P2RY12: variants seen among roughly 807,000 people sequenced by gnomAD.
The protein encoded by P2RY12 is P2Y purinoceptor 12.
Under a neutral mutation model 4.5 loss-of-function variants are expected in P2RY12, and 3 were observed. The ratio of observed to expected loss-of-function variants is 0.67; its 90% CI spans 0.31 to 1.74. P2RY12 has a LOEUF of 1.74. Among genes scored for constraint, P2RY12 ranks in the 40% most tolerant of loss-of-function variants. The pLI, the probability that P2RY12 is intolerant of heterozygous loss-of-function variation, is 0.09. For synonymous variants in P2RY12, 148 were observed against 154.1 expected (o/e 0.96, Z 0.29); for missense variants, 356 against 407.8 (o/e 0.87, Z 1.09).
intron 1 of P2RY12, among the ~76,000 whole-genome samples, chr3:151,370,974 G>A (rs896151385): frequency 3.3e-5 from 5 of 152,164 alleles, no homozygotes; most frequent in East Asian, 1.9e-4. Flanking sequence ...TCAGTTTAAC[G>A]TCAGCAGAGC....
intron 1 of P2RY12, chr3:151,383,822 C>G: frequency 6.2e-7 from 1 of 1,613,930 alleles, no homozygotes; most frequent in Non-Finnish European, 8.5e-7. Flanking sequence ...ACCCAGTGGA[C>G]TACAGACTGG....
At chr3:151,348,686 A>C (rs1399043342) in intron 1 of P2RY12, among the ~76,000 whole-genome samples, 1 of 152,170 alleles carries the variant, frequency 6.6e-6, no homozygotes, top group Non-Finnish European at 1.5e-5. Flanking sequence ...GTAATGTATA[A>C]TAAAAAAGGA....
intron 1 of P2RY12, among the ~76,000 whole-genome samples, chr3:151,379,595 T>C (rs117766209): frequency 0.014 from 2,114 of 152,310 alleles, 135 homozygotes; most frequent in East Asian, 0.094. Context: ...TCCTCAGCCC[T>C]GGCTGATGAA....
intron 1 of P2RY12, among the ~76,000 whole-genome samples, chr3:151,372,076 C>G (rs1756255462): frequency 6.6e-6 from 1 of 152,166 alleles, no homozygotes; most frequent in African/African-American, 2.4e-5. Flanking sequence ...GGAAATAAAT[C>G]TCTCTTGTCA....
intron 1 of P2RY12, among the ~76,000 whole-genome samples, chr3:151,359,153 G>C (rs1272317656): frequency 1.3e-5 from 2 of 152,000 alleles, no homozygotes; most frequent in African/African-American, 4.8e-5. Context: ...CTCATGCTTA[G>C]CTCCCACTTA....
intron 1 of P2RY12, among the ~76,000 whole-genome samples, chr3:151,353,907 C>T (rs185426228): frequency 0.027 from 4,042 of 151,856 alleles, 55 homozygotes; most frequent in Middle Eastern, 0.078. Flanking sequence ...TTTGGGAGGC[C>T]GAGGCGGGCG....
chr3:151,357,440 T>C (rs1754065414), intron 1 of P2RY12: 1 of 1,400,944 alleles, frequency 7.1e-7, no homozygotes, highest in Non-Finnish European at 9.5e-7. Context: ...TGATGAAATA[T>C]TATAGTGGCT....
chr3:151,373,560 G>GT (rs200969717), intron 1 of P2RY12, among the ~76,000 whole-genome samples: 23,320 of 145,718 alleles, frequency 0.16, 2,211 homozygotes, highest in Middle Eastern at 0.28. Flanking sequence ...CAAAATGGTG[G>GT]TTTTTTTTTT....
At chr3:151,374,532 A>G (rs1756588396) in intron 1 of P2RY12, among the ~76,000 whole-genome samples, 1 of 151,314 alleles carries the variant, frequency 6.6e-6, no homozygotes, top group African/African-American at 2.4e-5. Context: ...CTGGTAAGAG[A>G]GCAAGACTCT....
At chr3:151,374,571 G>GAA (rs1307015368) in intron 1 of P2RY12, among the ~76,000 whole-genome samples, 1 of 151,820 alleles carries the variant, frequency 6.6e-6, no homozygotes, top group Non-Finnish European at 1.5e-5. Flanking sequence ...AAGAAAGAAA[G>GAA]AAATGTTACA....
chr3:151,367,847 A>C lies in P2RY12; in HGVS notation c.-180+16845T>G. 5 of 1,483,560 alleles carry C rather than the reference A, an allele frequency of 3.4e-6. No individual in the cohort carries two copies. In the South Asian group the frequency reaches 5.2e-5, roughly 15 times the overall value. 91.9% of individuals were successfully genotyped at this position (1,483,560 alleles called of 1,614,324 possible). A position where few individuals can be genotyped will look rare whatever the true frequency, so the allele number is the denominator to read the frequency against. ...GTTTCTAACATTACAACACAGGGAA[A>C]GGAGTATTTGAGGGTATGTATATTG... On this transcript the variant is annotated intron_variant, in intron 1 of 2. Transcript: ENST00000302632.
At chr3:151,378,412 A>C (rs1352930195) in intron 1 of P2RY12, among the ~76,000 whole-genome samples, 1 of 152,220 alleles carries the variant, frequency 6.6e-6, no homozygotes, top group Admixed American at 6.5e-5. Flanking sequence ...ACTGTTAAAA[A>C]CAGTGATTTC....
At position 151,338,404 on chromosome 3, in the gene P2RY12, T is replaced by A. The variant is rs2149933232; in HGVS notation, c.442A>T (p.Ile148Phe). 1.9e-6 allele frequency: 3 copies of A among 1,614,150 alleles called. No homozygotes were observed. Among genetic ancestry groups the A allele is most frequent in the Non-Finnish European group, 2.5e-6 (3 of 1,180,024 alleles). The change falls in exon 3 of 3, where the codon ATC (isoleucine) becomes TTC (phenylalanine). Residue 148 changes from isoleucine (I) to phenylalanine (F), a missense_variant. Ile to Phe is a conservative substitution (Grantham distance 21). Coordinates refer to ENST00000302632, the MANE Select transcript of P2RY12 (RefSeq NM_022788.5). Reference protein sequence around the residue: ...LLGAKILSVVIWAFMFLLSLP... With the variant: ...LLGAKILSVVFWAFMFLLSLP... ...GAGAGTAAGAACATGAATGCCCAGA[T>A]GACAACAGAGAGAATCTTAGCCCCC...
intron 1 of P2RY12, among the ~76,000 whole-genome samples, chr3:151,358,312 A>C (rs1341420143): frequency 2.0e-5 from 3 of 152,150 alleles, no homozygotes; most frequent in Non-Finnish European, 2.9e-5. Flanking sequence ...AGAATTATTT[A>C]ATAACTCAGC....
chr3:151,365,161 G>C (rs1755120434), intron 1 of P2RY12: 1 of 1,613,946 alleles, frequency 6.2e-7, no homozygotes, highest in South Asian at 1.1e-5. Flanking sequence ...AGCTTTGTCT[G>C]CAATACACTC....
chr3:151,366,124 A>G, intron 1 of P2RY12: 2 of 733,730 alleles, frequency 2.7e-6, no homozygotes, highest in Non-Finnish European at 4.0e-6. Flanking sequence ...TTCTCTGTCC[A>G]AAAGCAGTAA....
At position 151,369,367 on chromosome 3, in the gene P2RY12, G is replaced by T. The variant is rs1755899624; in HGVS notation, c.-180+15325C>A. ...ACAGTCTAACAATGAAAGGCTGACT[G>T]CCTGTAAATAATTACAAAACATTAC... On this transcript the variant is annotated intron_variant, in intron 1 of 2. Coordinates refer to ENST00000302632, the MANE Select transcript of P2RY12 (RefSeq NM_022788.5). 4 of 1,072,904 alleles carry T rather than the reference G, an allele frequency of 3.7e-6. No homozygotes were observed. In the Admixed American group the frequency reaches 6.6e-5, roughly 18 times the overall value. 66.5% of individuals were successfully genotyped at this position (1,072,904 alleles called of 1,614,324 possible).
At chr3:151,377,470 GC>G (rs1264795298) in intron 1 of P2RY12, among the ~76,000 whole-genome samples, 3 of 152,084 alleles carry the variant, frequency 2.0e-5, no homozygotes, top group African/African-American at 7.2e-5. Context: ...TATGGGAAAC[GC>G]TTTTTCCACC....
chr3:151,372,801 C>T (rs202220883), intron 1 of P2RY12: 20 of 1,546,670 alleles, frequency 1.3e-5, no homozygotes, highest in African/African-American at 1.1e-4. Context: ...ACTTTGAGTA[C>T]GTAACTCTTC....
Sources: allele counts gnomAD v4.1 joint callset (sites outside exome capture counted in the v4.1 genomes callset), GRCh38; gene constraint gnomAD v4.1.1; transcripts MANE v1.5; gene names NCBI Gene and HGNC (gene_info 2026-07-23, HGNC 2026-07-21).